ELMOD1: variants seen among roughly 807,000 people sequenced by gnomAD.
ELMOD1 encodes the protein ELMO domain-containing protein 1.
In ELMOD1, 21 loss-of-function variants were observed where a neutral mutation model predicts 46.7. The observed-to-expected ratio is 0.45, with a 90% CI of 0.32 to 0.65. The LOEUF is 0.65. ELMOD1 is among the 30% of genes least tolerant of loss of function. The pLI, the probability that ELMOD1 is intolerant of heterozygous loss-of-function variation, is 0.04. For synonymous variants in ELMOD1, 122 were observed against 138.2 expected, an observed-to-expected ratio of 0.88 and a Z score of 0.82; for missense variants, 348 against 407.8, an observed-to-expected ratio of 0.85 and a Z score of 1.26.
intron 11 of ELMOD1, among the ~76,000 whole-genome samples, chr11:107,656,555 T>A (rs1341736058): frequency 1.3e-5 from 2 of 151,534 alleles, no homozygotes; most frequent in Non-Finnish European, 2.9e-5. Flanking sequence ...AGCTGAGAGA[T>A]CTTTGTGATT....
chr11:107,594,715 C>G (rs2135641950), intron 1 of ELMOD1, among the ~76,000 whole-genome samples: 1 of 152,268 alleles, frequency 6.6e-6, no homozygotes, highest in South Asian at 2.1e-4. Flanking sequence ...GCACAAATTT[C>G]TGAAATAAGA....
chr11:107,619,598 A>T (rs1865914886), intron 2 of ELMOD1, among the ~76,000 whole-genome samples: 1 of 152,176 alleles, frequency 6.6e-6, no homozygotes, highest in South Asian at 2.1e-4. Context: ...TTCTTCCTCG[A>T]TGTCTTATTT....
chr11:107,596,816 C>T lies in ELMOD1; in HGVS notation c.-86+5407C>T, dbSNP rs192540976. Among the ~76,000 whole-genome samples the T allele has an allele frequency of 5.9e-5, 9 of 152,188 alleles. No individual in the cohort carries two copies. In the East Asian group the frequency reaches 1.2e-3, roughly 20 times the overall value. On this transcript the variant is annotated intron_variant, in intron 1 of 11. Coordinates refer to ENST00000265840, the MANE Select transcript of ELMOD1 (RefSeq NM_018712.4). ...CAGATGGGTTGAGTTATAGTTTTTACTTCACTAAAGAGTTTTATGCTGTAC... is the reference window on the plus strand; with the variant it reads ...CAGATGGGTTGAGTTATAGTTTTTATTTCACTAAAGAGTTTTATGCTGTAC...
intron 9 of ELMOD1, chr11:107,653,584 A>T (rs11212315): frequency 7.6e-6 from 1 of 131,834 alleles, no homozygotes; most frequent in East Asian, 2.2e-4. Context: ...TTTTTTCTTC[A>T]TTCCTTGCTT....
intron 6 of ELMOD1, chr11:107,643,944 A>G (rs1191185193): frequency 6.2e-6 from 1 of 162,290 alleles, no homozygotes; most frequent in Non-Finnish European, 1.3e-5. Context: ...TTCATGATCC[A>G]TAAAATTATT....
intron 1 of ELMOD1, among the ~76,000 whole-genome samples, chr11:107,597,245 A>C (rs1865507193): frequency 6.6e-6 from 1 of 152,208 alleles, no homozygotes; most frequent in African/African-American, 2.4e-5. Context: ...AAGCACTGGA[A>C]CTAAGATTAT....
intron 6 of ELMOD1, among the ~76,000 whole-genome samples, chr11:107,646,112 C>A (rs1866422414): frequency 6.6e-6 from 1 of 152,140 alleles, no homozygotes; most frequent in East Asian, 1.9e-4. Flanking sequence ...TGTTTACATG[C>A]CCATCTCTAT....
chr11:107,599,598 CT>C (rs1865554385), intron 1 of ELMOD1, among the ~76,000 whole-genome samples: 2 of 151,730 alleles, frequency 1.3e-5, no homozygotes, highest in African/African-American at 4.8e-5. Context: ...AAAAATTAGC[CT>C]GGTATGGTGG....
rs1422901329 is a variant in ELMOD1, at chr11:107,644,852, AT to A, written c.421-2608del. Among the ~76,000 whole-genome samples the A allele has an allele frequency of 6.0e-5, 9 of 150,192 alleles. 1 individual carries two copies. In the South Asian group the frequency reaches 8.4e-4, roughly 14 times the overall value. On this transcript the variant is annotated intron_variant, in intron 6 of 11. Coordinates refer to ENST00000265840, the MANE Select transcript of ELMOD1 (RefSeq NM_018712.4). ...TTCAAATGAATGTGACGAACTTTACATTTTTTTTCCCTTTTTTCCCTTCATT... is the reference window on the plus strand; with the variant it reads ...TTCAAATGAATGTGACGAACTTTACATTTTTTTCCCTTTTTTCCCTTCATT...
intron 11 of ELMOD1, among the ~76,000 whole-genome samples, chr11:107,658,545 T>A (rs1866673937): frequency 6.6e-6 from 1 of 152,210 alleles, no homozygotes. Flanking sequence ...ATGTAGTGGG[T>A]CCAGCATTAT....
chr11:107,638,726 A>T (rs1442075245), intron 6 of ELMOD1, among the ~76,000 whole-genome samples: 1 of 152,258 alleles, frequency 6.6e-6, no homozygotes, highest in African/African-American at 2.4e-5. Flanking sequence ...TTTGCAGTAC[A>T]GCCACATGCA....
At chr11:107,606,845 G>A (rs1865693430) in intron 1 of ELMOD1, among the ~76,000 whole-genome samples, 1 of 151,878 alleles carries the variant, frequency 6.6e-6, no homozygotes, top group African/African-American at 2.4e-5. Flanking sequence ...ATCGGTTTCA[G>A]TTACCTGTTA....
In ELMOD1 at chr11:107,619,710, A is replaced by T. The variant is rs541370905; in HGVS notation, c.17+1504A>T. ...TGTTAAACTGAATAGGTGCACAAAG[A>T]GTACATTTTTAAATTAATTTGTATA... is the stretch of plus-strand genomic sequence containing the variant. On this transcript the variant is annotated intron_variant, in intron 2 of 11. Transcript: ENST00000265840. Among the ~76,000 whole-genome samples, 47 of 152,364 alleles carry T rather than the reference A, an allele frequency of 3.1e-4. 1 individual carries two copies. In the South Asian group the frequency reaches 9.7e-3, roughly 32 times the overall value.
chr11:107,656,015 T>C lies in ELMOD1; in HGVS notation c.781T>C (p.Tyr261His). Reference protein sequence around the residue: ...LVSGALKTHFYNIAPEAPTLS... With the variant: ...LVSGALKTHFHNIAPEAPTLS... The stretch of plus-strand genomic sequence containing the variant: ...CAGCGGAGCTCTAAAAACCCATTTC[T>C]ACAATATCGCCCCAGAAGCTCCAAC... Residue 261 changes from tyrosine to histidine, a missense_variant, in exon 11 of 12, where the codon TAC becomes CAC. By Grantham distance (83) the Tyr-to-His change is moderately conservative. Transcript: ENST00000265840. 1.3e-6 allele frequency: 2 copies of C among 1,568,562 alleles called. No individual in the cohort carries two copies. Among genetic ancestry groups the C allele is most frequent in the Non-Finnish European group, 1.7e-6 (2 of 1,154,628 alleles).
Position 107,635,723 on chromosome 11 carries a change from C to T in ELMOD1, c.378C>T (p.Ala126=). The part of the protein sequence containing the change: ...IADVEKLRRE[A]YDSDNPQHEE... ...ATGTGGAAAAACTGCGTAGAGAGGC[C>T]TATGATTCTGATAATCCCCAACATG... The change falls in exon 6 of 12, where the codon GCC becomes GCT. Residue 126 remains alanine, a synonymous_variant. Transcript: ENST00000265840. The T allele has an allele frequency of 6.2e-7, 1 of 1,613,906 alleles. No individual in the cohort carries two copies.
chr11:107,622,721 T>A (rs1865971754), intron 2 of ELMOD1, among the ~76,000 whole-genome samples: 1 of 152,212 alleles, frequency 6.6e-6, no homozygotes, highest in African/African-American at 2.4e-5. Flanking sequence ...CAGGAACGTG[T>A]AGTTGTTCCA....
intron 2 of ELMOD1, among the ~76,000 whole-genome samples, chr11:107,621,366 A>C (rs187162156): frequency 1.3e-5 from 2 of 152,332 alleles, no homozygotes; most frequent in East Asian, 3.9e-4. Flanking sequence ...AAGGGAAAAA[A>C]CTATTTTTCT....
At chr11:107,631,552 A>C in intron 4 of ELMOD1, 28 bp from the exon 5 acceptor site, 1 of 1,452,368 alleles carries the variant, frequency 6.9e-7, no homozygotes, top group Non-Finnish European at 9.4e-7. Context: ...GTTAATGAAA[A>C]GGAAAGTGAT....
chr11:107,636,619 GA>G (rs1410811050), intron 6 of ELMOD1, among the ~76,000 whole-genome samples: 2 of 152,192 alleles, frequency 1.3e-5, no homozygotes, highest in Non-Finnish European at 1.5e-5. Context: ...AATGTCAACA[GA>G]AGGCGTAATT....
Sources: allele counts gnomAD v4.1 joint callset (sites outside exome capture counted in the v4.1 genomes callset), GRCh38; gene constraint gnomAD v4.1.1; transcripts MANE v1.5; gene names NCBI Gene and HGNC (gene_info 2026-07-23, HGNC 2026-07-21).